The following GNAQ variants were observed in gnomAD, a reference collection of about 807,000 sequenced individuals.
The protein encoded by GNAQ is G protein subunit alpha q.
In GNAQ, 8 loss-of-function variants were observed where a neutral mutation model predicts 43.9. The observed-to-expected ratio is 0.18, with a 90% CI of 0.11 to 0.33. GNAQ has a LOEUF of 0.33. GNAQ is among the 10% of genes least tolerant of loss of function. The pLI is 1.00. For synonymous variants in GNAQ, 155 were observed against 170.7 expected (o/e 0.91, Z 0.71); for missense variants, 158 against 450.8 (o/e 0.35, Z 5.88).
intron 2 of GNAQ, among the ~76,000 whole-genome samples, chr9:77,819,399 C>T (rs1827075638): frequency 6.6e-6 from 1 of 152,192 alleles, no homozygotes; most frequent in Non-Finnish European, 1.5e-5. Context: ...GTGGGTCTTA[C>T]CCAGCCCACA....
chr9:77,843,383 C>T lies in GNAQ; in HGVS notation c.322-27613G>A, dbSNP rs148913968. On this transcript the variant is annotated intron_variant, in intron 2 of 6. Coordinates refer to ENST00000286548, the MANE Select transcript of GNAQ (RefSeq NM_002072.5). Reference sequence around the variant, plus strand: ...AAGAGTGCTAAGGTGAGAGACACAGCCCTTATAGAGCTGGCCTGGTTTTAC... The same window carrying T: ...AAGAGTGCTAAGGTGAGAGACACAGTCCTTATAGAGCTGGCCTGGTTTTAC... Among the ~76,000 whole-genome samples, 242 of 152,290 alleles carry T rather than the reference C, an allele frequency of 1.6e-3. 2 individuals are homozygous for T. The highest frequency in any genetic ancestry group is 5.3e-3 in the African/African-American group (219 of 41,556).
chr9:77,823,453 T>G (rs1444323544), intron 2 of GNAQ, among the ~76,000 whole-genome samples: 1 of 152,152 alleles, frequency 6.6e-6, no homozygotes, highest in Admixed American at 6.6e-5. Context: ...ACTAACACTT[T>G]TGAGTATTAA....
At chr9:77,820,079 T>G (rs1271944965) in intron 2 of GNAQ, among the ~76,000 whole-genome samples, 1 of 124,498 alleles carries the variant, frequency 8.0e-6, no homozygotes, top group Non-Finnish European at 1.7e-5. Flanking sequence ...TACTAGTTAT[T>G]TAAAATGCAA....
intron 1 of GNAQ, among the ~76,000 whole-genome samples, chr9:78,002,750 C>T (rs1002831432): frequency 6.6e-6 from 1 of 152,124 alleles, no homozygotes; most frequent in African/African-American, 2.4e-5. Flanking sequence ...GAAATTAGGA[C>T]TGAATGGAAA....
At chr9:77,971,103 CA>C (rs1189964408) in intron 1 of GNAQ, among the ~76,000 whole-genome samples, 105 of 152,154 alleles carry the variant, frequency 6.9e-4, no homozygotes, top group East Asian at 1.2e-3. Context: ...CTGAATAGAC[CA>C]ATAACAGGTT....
In GNAQ at chr9:77,719,112, T is replaced by C. The variant is rs1021933886; in HGVS notation, c.*2211A>G. On this transcript the variant is annotated 3_prime_UTR_variant, in exon 7 of 7. Coordinates refer to ENST00000286548, the MANE Select transcript of GNAQ (RefSeq NM_002072.5). ...ACGCTAGTACCGCTCTGTATGACAG[T>C]AAGGTTTTTTTTTTTTCTTCTTTTC... 4.3e-5 allele frequency: 10 copies of C among 231,420 alleles called. No individual in the cohort carries two copies. Among genetic ancestry groups the C allele is most frequent in the Non-Finnish European group, 6.0e-5 (7 of 117,080 alleles). 14.3% of individuals were successfully genotyped at this position (231,420 alleles called of 1,614,324 possible). A position where few individuals can be genotyped will look rare whatever the true frequency, so the allele number is the denominator to read the frequency against.
At chr9:77,739,394 T>C (rs889209109) in intron 5 of GNAQ, among the ~76,000 whole-genome samples, 24 of 152,352 alleles carry the variant, frequency 1.6e-4, no homozygotes, top group Non-Finnish European at 7.3e-5. Context: ...TTTTTGCTCT[T>C]AATGTTTTGT....
chr9:77,848,170 A>G (rs1210240661), intron 2 of GNAQ, among the ~76,000 whole-genome samples: 1 of 152,182 alleles, frequency 6.6e-6, no homozygotes, highest in African/African-American at 2.4e-5. Context: ...GAGTCTAAAA[A>G]TCACAGTTCT....
chr9:77,961,601 G>C (rs2118422517), intron 1 of GNAQ, among the ~76,000 whole-genome samples: 1 of 152,270 alleles, frequency 6.6e-6, no homozygotes, highest in Non-Finnish European at 1.5e-5. Flanking sequence ...GTTTTCATAA[G>C]GGTATCAACG....
chr9:77,723,220 A>G (rs1564091266), intron 6 of GNAQ, among the ~76,000 whole-genome samples: 1 of 152,236 alleles, frequency 6.6e-6, no homozygotes, highest in Non-Finnish European at 1.5e-5. Flanking sequence ...CTCCACATCT[A>G]CTAGCATGGC....
At chr9:77,903,916 T>C (rs1016356983) in intron 2 of GNAQ, among the ~76,000 whole-genome samples, 1 of 131,678 alleles carries the variant, frequency 7.6e-6, no homozygotes, top group African/African-American at 2.5e-5. Flanking sequence ...ATACCTTCCA[T>C]ATTTTAGGGA....
intron 2 of GNAQ, among the ~76,000 whole-genome samples, chr9:77,838,247 GTTTC>G (rs1428779834): frequency 6.8e-6 from 1 of 147,290 alleles, no homozygotes; most frequent in Non-Finnish European, 1.5e-5. Context: ...GGGTTCAAGT[GTTTC>G]TTCTGCCTCA....
chr9:77,742,027 T>C (rs1003762978), intron 5 of GNAQ, among the ~76,000 whole-genome samples: 4 of 152,228 alleles, frequency 2.6e-5, no homozygotes, highest in African/African-American at 4.8e-5. Context: ...ATTTTGTCCA[T>C]GTTCTATTAC....
At chr9:77,730,462 A>C (rs1825470594) in intron 5 of GNAQ, among the ~76,000 whole-genome samples, 1 of 152,106 alleles carries the variant, frequency 6.6e-6, no homozygotes, top group South Asian at 2.1e-4. Flanking sequence ...TGGATCCTGA[A>C]TATGTCTTCT....
At chr9:78,004,318 T>A (rs541112971) in intron 1 of GNAQ, among the ~76,000 whole-genome samples, 1 of 151,724 alleles carries the variant, frequency 6.6e-6, no homozygotes, top group East Asian at 1.9e-4. Context: ...ATGCTCCAGC[T>A]ACCTTACTCT....
chr9:78,000,666 G>A (rs903539166), intron 1 of GNAQ, among the ~76,000 whole-genome samples: 1 of 152,184 alleles, frequency 6.6e-6, no homozygotes, highest in African/African-American at 2.4e-5. Context: ...GTGTGGGACT[G>A]ATAATACATA....
At chr9:77,991,430 T>G (rs143963070) in intron 1 of GNAQ, among the ~76,000 whole-genome samples, 157 of 152,284 alleles carry the variant, frequency 1.0e-3, no homozygotes, top group African/African-American at 3.6e-3. Flanking sequence ...AGTCCTTAAT[T>G]AGAACCAGTA....
intron 5 of GNAQ, among the ~76,000 whole-genome samples, chr9:77,732,305 C>T (rs1297216573): frequency 1.3e-5 from 2 of 152,016 alleles, no homozygotes; most frequent in African/African-American, 2.4e-5. Flanking sequence ...GGTAATCACG[C>T]CCTCTTTTTG....
At chr9:77,810,216 A>G (rs959826959) in intron 3 of GNAQ, among the ~76,000 whole-genome samples, 1 of 30,874 alleles carries the variant, frequency 3.2e-5, no homozygotes, top group Non-Finnish European at 6.1e-5. Context: ...TCATCTATCT[A>G]TCTATCTATC....
Sources: gnomAD v4.1 joint callset for allele counts (sites outside exome capture counted in the v4.1 genomes callset) on GRCh38, gnomAD v4.1.1 for gene constraint, MANE v1.5 for transcripts, NCBI Gene and HGNC (gene_info 2026-07-23, HGNC 2026-07-21) for gene names.